PPIP5K2: variants seen among roughly 807,000 people sequenced by gnomAD.
The protein encoded by PPIP5K2 is inositol hexakisphosphate and diphosphoinositol-pentakisphosphate kinase 2.
In PPIP5K2, 105 loss-of-function variants were observed where a neutral mutation model predicts 154.6. The ratio of observed to expected loss-of-function variants is 0.68; its 90% CI spans 0.58 to 0.80. The LOEUF (loss-of-function observed/expected upper bound fraction) is 0.80. Among genes scored for constraint, PPIP5K2 ranks in the 30% least tolerant of loss-of-function variants. The pLI is 0.00. For synonymous variants in PPIP5K2, 480 were observed against 490.3 expected (o/e 0.98, Z 0.28); for missense variants, 992 against 1,504.6 (o/e 0.66, Z 5.64).
chr5:103,133,658 G>A lies in PPIP5K2; in HGVS notation c.310+10G>A, dbSNP rs372481841. 4.5e-6 allele frequency: 7 copies of A among 1,554,512 alleles called. No homozygotes were observed. The South Asian group carries it at 8.6e-5, about 19-fold the overall frequency. On this transcript the variant is annotated intron_variant, in intron 3 of 30. Transcript: ENST00000358359. ...TCTTTCCATTCTAAAGGTATTAAGG[G>A]GAGTGGGGGAGAAACTCCTTTATCC...
intron 14 of PPIP5K2, among the ~76,000 whole-genome samples, chr5:103,157,437 T>C (rs938137090): frequency 6.6e-5 from 10 of 152,174 alleles, no homozygotes; most frequent in South Asian, 2.1e-4. Flanking sequence ...CTCTGTCATC[T>C]CACATCTTCC....
At chr5:103,186,590 C>A in intron 27 of PPIP5K2, 151 bp downstream of exon 27, 1 of 1,052,314 alleles carries the variant, frequency 9.5e-7, no homozygotes, top group Non-Finnish European at 1.4e-6. Flanking sequence ...TCTCTGTTAT[C>A]TACAACTTGG....
intron 30 of PPIP5K2, among the ~76,000 whole-genome samples, chr5:103,196,244 T>A (rs1183067029): frequency 3.9e-5 from 6 of 152,162 alleles, no homozygotes; most frequent in African/African-American, 1.4e-4. Context: ...TATATGATTA[T>A]CAAAACAAGA....
At chr5:103,182,485 A>G (rs1409174559) in intron 24 of PPIP5K2, among the ~76,000 whole-genome samples, 1 of 152,236 alleles carries the variant, frequency 6.6e-6, no homozygotes, top group Admixed American at 6.5e-5. Flanking sequence ...CATGGATATA[A>G]GAAGTTTGTA....
In PPIP5K2 at chr5:103,190,894, T is replaced by C. The variant is rs782806741; in HGVS notation, c.3405T>C (p.His1135=). The change falls in exon 29 of 31, where the codon CAT becomes CAC. Residue 1135 remains histidine (H), a synonymous_variant. Coordinates refer to ENST00000358359, the MANE Select transcript of PPIP5K2 (RefSeq NM_001276277.3). ...VPSICPLETL[H]NALSLKQVDE... ...CTATTTGTCCTCTAGAAACTCTTCA[T>C]AATGCCCTATCTTTAAAGCAAGTGG... The C allele has an allele frequency of 1.1e-5, 17 of 1,610,456 alleles. No homozygotes were observed. The highest frequency in any genetic ancestry group is 1.4e-5 in the Non-Finnish European group (17 of 1,178,008).
Position 103,158,888 on chromosome 5 carries a change from C to T in PPIP5K2, c.1738-258C>T, listed in dbSNP as rs1018452427. On this transcript the variant is annotated intron_variant, in intron 16 of 30. Coordinates refer to ENST00000358359, the MANE Select transcript of PPIP5K2 (RefSeq NM_001276277.3). Reference sequence around the variant, plus strand: ...AGGCTGCAATGAGCCAAAATCACACCGCTGCACTCTACCGCAGGCAACAGT... The same window carrying T: ...AGGCTGCAATGAGCCAAAATCACACTGCTGCACTCTACCGCAGGCAACAGT... 3.9e-5 allele frequency among the ~76,000 whole-genome samples: 6 copies of T among 152,028 alleles called. No individual in the cohort carries two copies. In the South Asian group the frequency reaches 8.3e-4, roughly 21 times the overall value.
intron 17 of PPIP5K2, among the ~76,000 whole-genome samples, chr5:103,160,757 A>G (rs1004033853): frequency 1.6e-4 from 24 of 152,208 alleles, no homozygotes; most frequent in African/African-American, 5.8e-4. Context: ...TACAATTTAT[A>G]TATGCTTTCT....
At chr5:103,134,816 TG>T (rs1791200413) in intron 3 of PPIP5K2, among the ~76,000 whole-genome samples, 1 of 152,174 alleles carries the variant, frequency 6.6e-6, no homozygotes, top group African/African-American at 2.4e-5. Context: ...TCATAGACAT[TG>T]AGACATCTTT....
Position 103,153,953 on chromosome 5 carries a change from A to G in PPIP5K2, c.1217+19A>G. The G allele has an allele frequency of 6.6e-7, 1 of 1,517,006 alleles. No individual in the cohort carries two copies. Among genetic ancestry groups the G allele is most frequent in the Non-Finnish European group, 9.1e-7 (1 of 1,104,968 alleles). The allele number at this position is 1,517,006 out of a possible 1,614,324, so 94.0% of individuals were successfully genotyped here. On this transcript the variant is annotated intron_variant, in intron 11 of 30. Coordinates refer to ENST00000358359, the MANE Select transcript of PPIP5K2 (RefSeq NM_001276277.3). The stretch of plus-strand genomic sequence containing the variant: ...ATCAGAAGTATGTTTTCAGATGAAT[A>G]ATTTAACATGCATGATACAATTTTA...
rs1803334263 is a variant in PPIP5K2, at chr5:103,203,956, C to CAGTAA, written c.*2328_*2332dup. On this transcript the variant is annotated 3_prime_UTR_variant, in exon 31 of 31. Coordinates refer to ENST00000358359, the MANE Select transcript of PPIP5K2 (RefSeq NM_001276277.3). ...CAAGATATAGAGGCTGAAGGGAATACAGTAAAGTAACAAAAACATGTGGCA... is the reference window on the plus strand; with the variant it reads ...CAAGATATAGAGGCTGAAGGGAATACAGTAAAGTAAAGTAACAAAAACATGTGGCA... 1 of 152,106 alleles carries CAGTAA rather than the reference C, an allele frequency of 6.6e-6. No homozygotes were observed. Among genetic ancestry groups the CAGTAA allele is most frequent in the Non-Finnish European group, 1.5e-5 (1 of 68,002 alleles). 9.4% of individuals were successfully genotyped at this position (152,106 alleles called of 1,614,324 possible).
At chr5:103,135,596 A>G (rs781814382) in intron 3 of PPIP5K2, among the ~76,000 whole-genome samples, 2 of 152,006 alleles carry the variant, frequency 1.3e-5, no homozygotes, top group Non-Finnish European at 2.9e-5. Context: ...CCCTCAGCTG[A>G]TTCTTTTGAA....
At chr5:103,174,039 A>G in intron 21 of PPIP5K2, 67 bp downstream of exon 21, 2 of 1,205,370 alleles carry the variant, frequency 1.7e-6, no homozygotes, top group South Asian at 1.4e-5. Context: ...ACTAACTGCT[A>G]TTTTTACTGT....
At chr5:103,147,909 G>A (rs782390301) in intron 6 of PPIP5K2, 22 bp from the exon 7 acceptor site, 9 of 1,466,404 alleles carry the variant, frequency 6.1e-6, no homozygotes, top group African/African-American at 4.3e-5. Flanking sequence ...TTTTTATATC[G>A]ATGGACATCT....
intron 28 of PPIP5K2, 134 bp from the exon 29 acceptor site, chr5:103,190,708 G>A: frequency 1.5e-6 from 1 of 653,340 alleles, no homozygotes; most frequent in Non-Finnish European, 2.4e-6. Flanking sequence ...TGACTTCAGA[G>A]ATATTGTGTG....
chr5:103,135,647 G>A (rs978785276), intron 3 of PPIP5K2, among the ~76,000 whole-genome samples: 1 of 152,088 alleles, frequency 6.6e-6, no homozygotes, highest in Non-Finnish European at 1.5e-5. Context: ...GCCCAGGCTG[G>A]TGTTGAATTC....
At position 103,147,930 on chromosome 5, in the gene PPIP5K2, G is replaced by C; in HGVS notation, c.643-1G>C. On this transcript the variant is annotated splice_acceptor_variant, in intron 6 of 30. Transcript: ENST00000358359. LOFTEE classifies it high-confidence loss of function. ...TATCGATGGACATCTTTTGTTTTCA[G>C]ATTGGCAGTAGAAGTAGTGTTTATT... The C allele has an allele frequency of 6.4e-7, 1 of 1,556,942 alleles. No individual in the cohort carries two copies. The highest frequency in any genetic ancestry group is 8.7e-7 in the Non-Finnish European group (1 of 1,150,430).
In PPIP5K2 at chr5:103,138,343, T is replaced by C. The variant is rs41300807; in HGVS notation, c.402-41T>C. 10,270 of 1,205,888 alleles carry C rather than the reference T, an allele frequency of 8.5e-3. 62 individuals are homozygous for C. The highest frequency in any genetic ancestry group is 9.1e-3 in the Non-Finnish European group (7,653 of 843,608). The allele number at this position is 1,205,888 out of a possible 1,614,324, so 74.7% of individuals were successfully genotyped here. ...CTACAATAATATATTCATTGTGAAA[T>C]GGAGCAATAAAACAATAAGGATGTT... On this transcript the variant is annotated intron_variant, in intron 4 of 30. Coordinates refer to ENST00000358359, the MANE Select transcript of PPIP5K2 (RefSeq NM_001276277.3).
At position 103,205,428 on chromosome 5, in the gene PPIP5K2, C is replaced by T. The variant is rs1308748254; in HGVS notation, c.*3794C>T. 2.0e-5 allele frequency: 3 copies of T among 152,314 alleles called. No individual in the cohort carries two copies. Among genetic ancestry groups the T allele is most frequent in the Non-Finnish European group, 4.4e-5 (3 of 68,034 alleles). 9.4% of individuals were successfully genotyped at this position (152,314 alleles called of 1,614,324 possible). On this transcript the variant is annotated 3_prime_UTR_variant, in exon 31 of 31. Transcript: ENST00000358359. ...CTTGAGGAATCGCCACACTGTCTTC[C>T]ACAATGGTTGAACTAATTTACACTC...
At chr5:103,132,655 AAT>A (rs1790826146) in intron 2 of PPIP5K2, among the ~76,000 whole-genome samples, 2 of 152,328 alleles carry the variant, frequency 1.3e-5, no homozygotes, top group South Asian at 4.1e-4. Flanking sequence ...TGTTGTATGA[AAT>A]ATATAAAGTA....
Sources: gnomAD v4.1 joint callset for allele counts (sites outside exome capture counted in the v4.1 genomes callset) on GRCh38, gnomAD v4.1.1 for gene constraint, MANE v1.5 for transcripts, NCBI Gene and HGNC (gene_info 2026-07-23, HGNC 2026-07-21) for gene names.